Variants in NKAIN3 observed in about 807,000 individuals in gnomAD.
NKAIN3 encodes the protein sodium/potassium-transporting ATPase subunit beta-1-interacting protein 3.
Under a neutral mutation model 30.2 loss-of-function variants are expected in NKAIN3, and 25 were observed. The observed-to-expected ratio is 0.83, with a 90% CI of 0.60 to 1.16. NKAIN3 has a LOEUF of 1.16. Among genes scored for constraint, NKAIN3 ranks in the 50% most tolerant of loss-of-function variants. The pLI, the probability that NKAIN3 is intolerant of heterozygous loss-of-function variation, is 0.00. For synonymous variants in NKAIN3, 91 were observed against 89.6 expected, an observed-to-expected ratio of 1.02 and a Z score of -0.09; for missense variants, 225 against 254.1, an observed-to-expected ratio of 0.89 and a Z score of 0.78.
At chr8:62,865,968 A>C (rs969813752) in intron 4 of NKAIN3, among the ~76,000 whole-genome samples, 5 of 152,202 alleles carry the variant, frequency 3.3e-5, no homozygotes, top group Non-Finnish European at 7.3e-5. Context: ...ATTTTTAAAA[A>C]AGTGGCTCCG....
At chr8:62,911,133 G>A (rs1821914078) in intron 4 of NKAIN3, among the ~76,000 whole-genome samples, 1 of 152,140 alleles carries the variant, frequency 6.6e-6, no homozygotes, top group African/African-American at 2.4e-5. Flanking sequence ...ATATAAAGGT[G>A]TGGGTAGAAG....
intron 5 of NKAIN3, among the ~76,000 whole-genome samples, chr8:62,951,828 T>C (rs1198774842): frequency 6.6e-6 from 1 of 151,792 alleles, no homozygotes; most frequent in African/African-American, 2.4e-5. Context: ...GGAAACAGAG[T>C]CTCCCTCTGT....
At chr8:62,854,982 T>G (rs1820016940) in intron 4 of NKAIN3, 1 of 153,460 alleles carries the variant, frequency 6.5e-6, no homozygotes, top group Non-Finnish European at 1.4e-5. Flanking sequence ...TATTTCTCCT[T>G]CACTTATAAT....
chr8:62,400,587 G>A (rs1443197435), intron 1 of NKAIN3, among the ~76,000 whole-genome samples: 1 of 152,156 alleles, frequency 6.6e-6, no homozygotes, highest in Non-Finnish European at 1.5e-5. Flanking sequence ...TTGTAGGACA[G>A]GTCTTGTGTT....
chr8:62,666,229 T>C (rs1424224408), intron 3 of NKAIN3, among the ~76,000 whole-genome samples: 1 of 152,024 alleles, frequency 6.6e-6, no homozygotes, highest in African/African-American at 2.4e-5. Context: ...AATAATTAAT[T>C]AATTAATTCA....
At position 62,953,944 on chromosome 8, in the gene NKAIN3, A is replaced by T; in HGVS notation, c.575A>T (p.Asp192Val). Residue 192 changes from aspartate to valine, a missense_variant, in exon 6 of 7, where the codon GAT becomes GTT. Transcript: ENST00000623646. ...GGLDTHSYYQDHVELKPVKPV... is the reference protein window; with the variant it reads ...GGLDTHSYYQVHVELKPVKPV... ...CTTGATACACACTCCTACTACCAGG[A>T]TCATGTTGAGTTAAAGCCTGTTAAA... is the stretch of plus-strand genomic sequence containing the variant. 1 of 981,504 alleles carries T rather than the reference A, an allele frequency of 1.0e-6. No individual in the cohort carries two copies. The highest frequency in any genetic ancestry group is 1.2e-6 in the Non-Finnish European group (1 of 825,970). The allele number at this position is 981,504 out of a possible 1,614,324, so 60.8% of individuals were successfully genotyped here.
chr8:62,371,358 G>T (rs559121779), intron 1 of NKAIN3, among the ~76,000 whole-genome samples: 1 of 151,870 alleles, frequency 6.6e-6, no homozygotes, highest in Non-Finnish European at 1.5e-5. Context: ...TGCATAGTAA[G>T]AACTTTTTAA....
At chr8:62,712,130 C>T (rs1317431009) in intron 3 of NKAIN3, among the ~76,000 whole-genome samples, 1 of 152,086 alleles carries the variant, frequency 6.6e-6, no homozygotes, top group East Asian at 1.9e-4. Context: ...AGTGCTTGTT[C>T]TGGTAGAGGT....
Position 62,534,412 on chromosome 8 carries a change from C to G in NKAIN3, c.55-45127C>G, listed in dbSNP as rs754618864. On this transcript the variant is annotated intron_variant, in intron 1 of 6. Coordinates refer to ENST00000623646, the MANE Select transcript of NKAIN3 (RefSeq NM_001304533.3). ...CCTTCTCTCGCAGTGCTGATATTGCCGAACCACGAAATCATACCCACCAGC... is the reference window on the plus strand; with the variant it reads ...CCTTCTCTCGCAGTGCTGATATTGCGGAACCACGAAATCATACCCACCAGC... Among the ~76,000 whole-genome samples the G allele has an allele frequency of 2.0e-5, 3 of 152,082 alleles. No individual in the cohort carries two copies. The East Asian group carries it at 5.8e-4, about 29-fold the overall frequency.
intron 5 of NKAIN3, among the ~76,000 whole-genome samples, chr8:62,997,218 G>T (rs1254042025): frequency 6.6e-6 from 1 of 152,132 alleles, no homozygotes; most frequent in Non-Finnish European, 1.5e-5. Flanking sequence ...GAAAAAAGTT[G>T]CTTCTGGCAC....
At chr8:62,669,905 T>A (rs898605189) in intron 3 of NKAIN3, among the ~76,000 whole-genome samples, 1 of 152,194 alleles carries the variant, frequency 6.6e-6, no homozygotes, top group Non-Finnish European at 1.5e-5. Flanking sequence ...GTCACTTGAT[T>A]TTTAAAATGA....
chr8:62,479,736 TAGG>T (rs950936897), intron 1 of NKAIN3, among the ~76,000 whole-genome samples: 3 of 152,056 alleles, frequency 2.0e-5, no homozygotes, highest in African/African-American at 7.2e-5. Context: ...TCACGGCTGT[TAGG>T]AGAAGAGATG....
chr8:62,520,006 G>A (rs746939940), intron 1 of NKAIN3, among the ~76,000 whole-genome samples: 3 of 151,954 alleles, frequency 2.0e-5, no homozygotes, highest in African/African-American at 2.4e-5. Flanking sequence ...ACTTTGCTTC[G>A]TATCTCTCAT....
chr8:62,614,066 G>A (rs1200130630), intron 3 of NKAIN3, among the ~76,000 whole-genome samples: 2 of 152,092 alleles, frequency 1.3e-5, no homozygotes, highest in Non-Finnish European at 2.9e-5. Context: ...TCTGGATGGT[G>A]TTGATGCTAG....
chr8:62,669,592 C>T (rs1055290955), intron 3 of NKAIN3, among the ~76,000 whole-genome samples: 3 of 151,736 alleles, frequency 2.0e-5, no homozygotes, highest in African/African-American at 7.3e-5. Context: ...CATGACTACA[C>T]AAAAAAAACA....
intron 1 of NKAIN3, chr8:62,473,305 A>G (rs906674895): frequency 3.9e-5 from 6 of 152,166 alleles, no homozygotes; most frequent in African/African-American, 9.7e-5. Flanking sequence ...AGATTTGTCA[A>G]TTTTTACACG....
chr8:62,592,814 GA>G (rs1179498032), intron 3 of NKAIN3, among the ~76,000 whole-genome samples: 1 of 151,722 alleles, frequency 6.6e-6, no homozygotes. Flanking sequence ...ATTAATGTCA[GA>G]AAAAAAGTAG....
intron 3 of NKAIN3, among the ~76,000 whole-genome samples, chr8:62,734,597 A>G (rs1815588652): frequency 6.6e-6 from 1 of 152,186 alleles, no homozygotes; most frequent in South Asian, 2.1e-4. Flanking sequence ...AGGGAATTTT[A>G]CCTTTTCCTA....
intron 1 of NKAIN3, among the ~76,000 whole-genome samples, chr8:62,437,682 G>A (rs1805210085): frequency 6.6e-6 from 1 of 151,864 alleles, no homozygotes; most frequent in Admixed American, 6.6e-5. Flanking sequence ...AATATATGAT[G>A]GCAAAAATAA....
Sources: allele counts gnomAD v4.1 joint callset (sites outside exome capture counted in the v4.1 genomes callset), GRCh38; gene constraint gnomAD v4.1.1; transcripts MANE v1.5; gene names NCBI Gene and HGNC (gene_info 2026-07-23, HGNC 2026-07-21).